PRICKLE1: variants seen among roughly 807,000 people sequenced by gnomAD.
PRICKLE1 encodes the protein prickle planar cell polarity protein 1.
Under a neutral mutation model 70.2 loss-of-function variants are expected in PRICKLE1, and 14 were observed. That is an observed-to-expected ratio of 0.20 (90% CI 0.13 to 0.31). The LOEUF (loss-of-function observed/expected upper bound fraction) is 0.31, where lower values mean the gene tolerates loss of function less well. Ranked by LOEUF, PRICKLE1 falls within the 10% of genes least tolerant of loss-of-function variation. The probability of loss-of-function intolerance (pLI) is 1.00; values close to 1 mark genes in which losing one functional copy is unlikely to be tolerated. For synonymous variants in PRICKLE1, 357 were observed against 379.9 expected (o/e 0.94, Z 0.70); for missense variants, 821 against 1,026.2 (o/e 0.80, Z 2.73).
intron 1 of PRICKLE1, among the ~76,000 whole-genome samples, chr12:42,522,036 C>G (rs1939719346): frequency 6.7e-6 from 1 of 150,046 alleles, no homozygotes; most frequent in Non-Finnish European, 1.5e-5. Flanking sequence ...AGTGCAGTGG[C>G]ACGATCTCGG....
At chr12:42,539,469 A>G (rs1045746145) in intron 1 of PRICKLE1, among the ~76,000 whole-genome samples, 72 of 145,880 alleles carry the variant, frequency 4.9e-4, no homozygotes, top group African/African-American at 1.8e-3. Context: ...CTCTGTCTCA[A>G]AAAAAAAAAA....
intron 1 of PRICKLE1, among the ~76,000 whole-genome samples, chr12:42,521,855 C>T (rs1221556055): frequency 6.6e-6 from 1 of 151,620 alleles, no homozygotes; most frequent in Non-Finnish European, 1.5e-5. Flanking sequence ...GAAACCACTC[C>T]TCTTAGAACG....
intron 1 of PRICKLE1, among the ~76,000 whole-genome samples, chr12:42,552,871 G>A (rs187214955): frequency 6.6e-6 from 1 of 152,318 alleles, no homozygotes; most frequent in Non-Finnish European, 1.5e-5. Context: ...GTTTTCATCA[G>A]GCAATAGATC....
chr12:42,521,545 C>T (rs1593152781), intron 1 of PRICKLE1, among the ~76,000 whole-genome samples: 1 of 151,960 alleles, frequency 6.6e-6, no homozygotes, highest in East Asian at 1.9e-4. Flanking sequence ...ACAAAAATTA[C>T]AAAAATTAGC....
chr12:42,523,267 A>G (rs7953091), intron 1 of PRICKLE1, among the ~76,000 whole-genome samples: 63,332 of 151,890 alleles, frequency 0.42, 13,685 homozygotes, highest in East Asian at 0.72. Context: ...GCGTCCAGCC[A>G]ATTTTTTGTT....
chr12:42,565,390 T>TG (rs1377672712), intron 1 of PRICKLE1, among the ~76,000 whole-genome samples: 3 of 152,170 alleles, frequency 2.0e-5, no homozygotes, highest in African/African-American at 7.2e-5. Context: ...AGATGTGTTT[T>TG]GGGGAAAAGG....
At chr12:42,573,177 G>A (rs904550849) in intron 1 of PRICKLE1, among the ~76,000 whole-genome samples, 2 of 152,130 alleles carry the variant, frequency 1.3e-5, no homozygotes, top group African/African-American at 4.8e-5. Context: ...TGGAGTAGTT[G>A]ACTTGAGAAA....
intron 1 of PRICKLE1, among the ~76,000 whole-genome samples, chr12:42,578,146 G>T (rs1248632085): frequency 6.6e-6 from 1 of 152,122 alleles, no homozygotes; most frequent in Non-Finnish European, 1.5e-5. Context: ...TAAATAAGTT[G>T]GCTCAACTTC....
At chr12:42,518,896 A>G (rs7137124) in intron 1 of PRICKLE1, among the ~76,000 whole-genome samples, 50,886 of 152,114 alleles carry the variant, frequency 0.33, 10,282 homozygotes, top group East Asian at 0.5. Context: ...ATGTTATAAC[A>G]TGGTTATAAT....
chr12:42,469,052 A>G (rs948203929), intron 4 of PRICKLE1, among the ~76,000 whole-genome samples: 3 of 152,174 alleles, frequency 2.0e-5, no homozygotes, highest in Non-Finnish European at 4.4e-5. Flanking sequence ...GTGTAATCTG[A>G]TTCACACAAA....
intron 1 of PRICKLE1, among the ~76,000 whole-genome samples, chr12:42,553,369 G>A (rs1390638236): frequency 1.3e-5 from 2 of 151,950 alleles, no homozygotes; most frequent in Non-Finnish European, 2.9e-5. Context: ...GCGTGAACCG[G>A]GGAGGCAGAG....
chr12:42,521,929 GGTGTGTGTGTGTGTGTGTGTGTGT>G lies in PRICKLE1; in HGVS notation c.-48-49389_-48-49366del, dbSNP rs72169209. ...AAGTGAAATCAGTTTGTTTGTTTTT[GGTGTGTGTGTGTGTGTGTGTGTGT>G]GTGTGTGTGTGTGTGTGTTTAACTT... On this transcript the variant is annotated intron_variant, in intron 1 of 7. Transcript: ENST00000345127. 8.6e-5 allele frequency among the ~76,000 whole-genome samples: 12 copies of G among 139,850 alleles called. 1 individual carries two copies. The highest frequency in any genetic ancestry group is 2.1e-4 in the Admixed American group (3 of 14,024). 91.7% of individuals were successfully genotyped at this position (139,850 alleles called of 152,430 possible). A position where few individuals can be genotyped will look rare whatever the true frequency, so the allele number is the denominator to read the frequency against.
At chr12:42,568,740 C>T (rs12581019) in intron 1 of PRICKLE1, among the ~76,000 whole-genome samples, 26,126 of 152,088 alleles carry the variant, frequency 0.17, 2,837 homozygotes, top group Non-Finnish European at 0.23. Flanking sequence ...TTCTTACAGG[C>T]ATATATTGCA....
intron 1 of PRICKLE1, among the ~76,000 whole-genome samples, chr12:42,477,052 T>TA (rs971957546): frequency 4.6e-5 from 7 of 152,078 alleles, no homozygotes; most frequent in African/African-American, 1.7e-4. Flanking sequence ...ACACAGTTCT[T>TA]ACGCTTGTAA....
At chr12:42,539,691 G>T (rs572117665) in intron 1 of PRICKLE1, among the ~76,000 whole-genome samples, 151 of 152,266 alleles carry the variant, frequency 9.9e-4, no homozygotes, top group South Asian at 4.6e-3. Context: ...AAGCTTTAGA[G>T]TTAGGTTTAT....
intron 1 of PRICKLE1, chr12:42,484,127 C>T (rs1938921931): frequency 6.6e-6 from 1 of 151,384 alleles, no homozygotes; most frequent in Non-Finnish European, 1.5e-5. Flanking sequence ...GCGGGCGGCG[C>T]CTGCCCAGCC....
At chr12:42,553,754 A>C (rs1483596585) in intron 1 of PRICKLE1, among the ~76,000 whole-genome samples, 1 of 152,096 alleles carries the variant, frequency 6.6e-6, no homozygotes, top group Non-Finnish European at 1.5e-5. Context: ...TGCTGCTTAC[A>C]CCAGGTGACC....
At chr12:42,508,802 G>A (rs1455529384) in intron 1 of PRICKLE1, among the ~76,000 whole-genome samples, 1 of 152,138 alleles carries the variant, frequency 6.6e-6, no homozygotes, top group Non-Finnish European at 1.5e-5. Context: ...GACGAACAGG[G>A]CTTGTCACTG....
chr12:42,468,619 T>C lies in PRICKLE1; in HGVS notation c.588+7A>G. On this transcript the variant is annotated splice_region_variant and intron_variant, in intron 5 of 7. Transcript: ENST00000345127. ...TTCCCAGTGTGAAAGGATGAACTTTTTTTTACCTCGTCACATGCTGAGCAC... is the reference window on the plus strand; with the variant it reads ...TTCCCAGTGTGAAAGGATGAACTTTCTTTTACCTCGTCACATGCTGAGCAC... 6.2e-7 allele frequency: 1 copy of C among 1,613,660 alleles called. No individual in the cohort carries two copies. Among genetic ancestry groups the C allele is most frequent in the Non-Finnish European group, 8.5e-7 (1 of 1,179,792 alleles).
Sources: gnomAD v4.1 joint callset for allele counts (sites outside exome capture counted in the v4.1 genomes callset) on GRCh38, gnomAD v4.1.1 for gene constraint, MANE v1.5 for transcripts, NCBI Gene and HGNC (gene_info 2026-07-23, HGNC 2026-07-21) for gene names.